The following WWOX variants were observed in gnomAD, a reference collection of about 807,000 sequenced individuals.
The protein encoded by WWOX is WW domain-containing oxidoreductase.
A neutral mutation model predicts 46.2 loss-of-function variants in WWOX; 69 were observed. That is an observed-to-expected ratio of 1.49 (90% confidence interval 1.23 to 1.82). WWOX has a LOEUF of 1.82. Ranked by LOEUF, WWOX falls within the 40% of genes most tolerant of loss-of-function variation. WWOX has a pLI of 0.00. For synonymous variants in WWOX, 359 were observed against 202.6 expected, an observed-to-expected ratio of 1.77 and a Z score of -6.56; for missense variants, 919 against 542.6, an observed-to-expected ratio of 1.69 and a Z score of -6.89.
intron 8 of WWOX, chr16:78,534,450 C>A (rs148296860): frequency 6.6e-6 from 1 of 152,076 alleles, no homozygotes; most frequent in Admixed American, 6.5e-5. Flanking sequence ...GTGTAATTTC[C>A]CTGGAAACTC....
At chr16:79,115,623 T>G (rs891506156) in intron 8 of WWOX, among the ~76,000 whole-genome samples, 1 of 152,202 alleles carries the variant, frequency 6.6e-6, no homozygotes, top group Admixed American at 6.5e-5. Flanking sequence ...AAGTGTGATA[T>G]GAGAGTATAT....
chr16:78,634,869 TG>T (rs2046530509), intron 8 of WWOX, among the ~76,000 whole-genome samples: 2 of 143,998 alleles, frequency 1.4e-5, no homozygotes, highest in Admixed American at 6.8e-5. Context: ...TGTGTGTGTG[TG>T]TGTGCGCGTG....
At chr16:78,408,335 A>C (rs1000619656) in intron 6 of WWOX, among the ~76,000 whole-genome samples, 1 of 152,124 alleles carries the variant, frequency 6.6e-6, no homozygotes, top group South Asian at 2.1e-4. Flanking sequence ...AGTAATTAGC[A>C]TGTACCCTCC....
At chr16:78,878,970 G>C (rs2044287968) in intron 8 of WWOX, among the ~76,000 whole-genome samples, 2 of 151,628 alleles carry the variant, frequency 1.3e-5, no homozygotes, top group African/African-American at 4.8e-5. Context: ...AGGAGGCTGA[G>C]GTGGGAGGAT....
chr16:79,108,561 A>G (rs1489981736), intron 8 of WWOX, among the ~76,000 whole-genome samples: 1 of 152,234 alleles, frequency 6.6e-6, no homozygotes, highest in Admixed American at 6.5e-5. Context: ...ATTCATACTT[A>G]AGGGTGATTG....
chr16:78,981,267 G>T (rs759703802), intron 8 of WWOX, among the ~76,000 whole-genome samples: 1 of 152,018 alleles, frequency 6.6e-6, no homozygotes, highest in Non-Finnish European at 1.5e-5. Context: ...ATTTCTCTGC[G>T]CTGGCTGATG....
chr16:78,533,176 C>T (rs1388646178), intron 8 of WWOX, among the ~76,000 whole-genome samples: 1 of 152,126 alleles, frequency 6.6e-6, no homozygotes, highest in Non-Finnish European at 1.5e-5. Context: ...CTGAGGCTAT[C>T]TTTACAGGTC....
At chr16:78,852,119 T>A (rs1046480427) in intron 8 of WWOX, among the ~76,000 whole-genome samples, 6 of 152,180 alleles carry the variant, frequency 3.9e-5, no homozygotes, top group Admixed American at 2.6e-4. Flanking sequence ...CATTTTGTTG[T>A]TGAAATGTTA....
At chr16:78,631,149 G>A (rs2046419386) in intron 8 of WWOX, among the ~76,000 whole-genome samples, 1 of 152,166 alleles carries the variant, frequency 6.6e-6, no homozygotes, top group Non-Finnish European at 1.5e-5. Context: ...GAGCATTTGT[G>A]GATTTTGGTA....
At chr16:79,140,866 A>G (rs1322979150) in intron 8 of WWOX, among the ~76,000 whole-genome samples, 1 of 152,180 alleles carries the variant, frequency 6.6e-6, no homozygotes, top group Non-Finnish European at 1.5e-5. Flanking sequence ...TCCGTACGTC[A>G]GTTTCACACC....
intron 8 of WWOX, among the ~76,000 whole-genome samples, chr16:78,813,497 TAGAG>T (rs927174870): frequency 6.6e-6 from 1 of 152,174 alleles, no homozygotes; most frequent in African/African-American, 2.4e-5. Context: ...TTGTCCTGGT[TAGAG>T]AGATATATAA....
intron 8 of WWOX, among the ~76,000 whole-genome samples, chr16:78,626,310 A>C (rs2151651504): frequency 6.6e-6 from 1 of 152,044 alleles, no homozygotes; most frequent in African/African-American, 2.4e-5. Flanking sequence ...TTTGCAGGAT[A>C]CCACATTTTA....
intron 8 of WWOX, chr16:78,552,074 C>T (rs942822757): frequency 1.3e-5 from 2 of 152,304 alleles, no homozygotes; most frequent in South Asian, 2.1e-4. Context: ...ACCTGGGGCT[C>T]CCTCTGGAAA....
At position 78,716,173 on chromosome 16, in the gene WWOX, A is replaced by G. The variant is rs145600011; in HGVS notation, c.1056+283421A>G. Among the ~76,000 whole-genome samples, 1,130 of 152,196 alleles carry G rather than the reference A, an allele frequency of 7.4e-3. 9 individuals are homozygous for G. The highest frequency in any genetic ancestry group is 0.017 in the Admixed American group (254 of 15,282). On this transcript the variant is annotated intron_variant, in intron 8 of 8. Coordinates refer to ENST00000566780, the MANE Select transcript of WWOX (RefSeq NM_016373.4). ...TGGGCACAGAGACAGAGGCAGAGAT[A>G]GAGGGAAGATGATGTGAAGAAAAAC...
At chr16:78,996,459 C>A in intron 8 of WWOX, 2 of 418,880 alleles carry the variant, frequency 4.8e-6, no homozygotes, top group Non-Finnish European at 6.3e-6. Flanking sequence ...GTGCTCAGCA[C>A]TGGGCCGGAC....
At chr16:78,251,202 G>C (rs754443976) in intron 5 of WWOX, among the ~76,000 whole-genome samples, 39 of 152,178 alleles carry the variant, frequency 2.6e-4, no homozygotes, top group Non-Finnish European at 4.9e-4. Context: ...ATGCTGTTAG[G>C]AGGAGGAGGA....
At chr16:78,817,309 C>G (rs2051360106) in intron 8 of WWOX, among the ~76,000 whole-genome samples, 1 of 146,404 alleles carries the variant, frequency 6.8e-6, no homozygotes. Flanking sequence ...TGATAGAATT[C>G]TGATTAATGC....
At chr16:78,589,629 T>G (rs527273156) in intron 8 of WWOX, among the ~76,000 whole-genome samples, 1 of 152,294 alleles carries the variant, frequency 6.6e-6, no homozygotes, top group South Asian at 2.1e-4. Flanking sequence ...GCAAGTAGTT[T>G]CCGGTAAAGG....
chr16:78,621,508 C>G (rs925710532), intron 8 of WWOX, among the ~76,000 whole-genome samples: 1 of 146,246 alleles, frequency 6.8e-6, no homozygotes, highest in African/African-American at 2.5e-5. Flanking sequence ...CATTTTACTT[C>G]TATTTGGTAG....
Sources: allele counts gnomAD v4.1 joint callset (sites outside exome capture counted in the v4.1 genomes callset), GRCh38; gene constraint gnomAD v4.1.1; transcripts MANE v1.5; gene names NCBI Gene and HGNC (gene_info 2026-07-23, HGNC 2026-07-21).